CDH4: variants seen among roughly 807,000 people sequenced by gnomAD.
CDH4 encodes cadherin 4, also known as cadherin-4.
A neutral mutation model predicts 86.0 loss-of-function variants in CDH4; 33 were observed. The observed-to-expected ratio is 0.38, with a 90% CI of 0.29 to 0.51. CDH4 has a LOEUF of 0.51. Among genes scored for constraint, CDH4 ranks in the 20% least tolerant of loss-of-function variants. The probability of loss-of-function intolerance (pLI) is 0.86; values close to 1 mark genes in which losing one functional copy is unlikely to be tolerated. For synonymous variants in CDH4, 555 were observed against 549.4 expected, an observed-to-expected ratio of 1.01 and a Z score of -0.14; for missense variants, 1,114 against 1,307.4, an observed-to-expected ratio of 0.85 and a Z score of 2.28.
chr20:61,569,875 A>G (rs931824104), intron 2 of CDH4, among the ~76,000 whole-genome samples: 1 of 152,148 alleles, frequency 6.6e-6, no homozygotes, highest in African/African-American at 2.4e-5. Context: ...GGCGCGGCTG[A>G]TGTTTCTTGA....
chr20:61,933,682 G>T (rs758877049), intron 14 of CDH4, among the ~76,000 whole-genome samples: 1 of 145,066 alleles, frequency 6.9e-6, no homozygotes, highest in African/African-American at 2.7e-5. Flanking sequence ...CACCTTCCCC[G>T]CCCCTCCCGC....
At chr20:61,455,864 T>A (rs1197622827) in intron 2 of CDH4, among the ~76,000 whole-genome samples, 1 of 152,012 alleles carries the variant, frequency 6.6e-6, no homozygotes, top group Admixed American at 6.5e-5. Flanking sequence ...GAGCCAAACA[T>A]GCATGCAGGT....
chr20:61,712,924 T>C (rs1356360777), intron 2 of CDH4, among the ~76,000 whole-genome samples: 1 of 152,066 alleles, frequency 6.6e-6, no homozygotes, highest in Non-Finnish European at 1.5e-5. Context: ...GTTTGTGAAA[T>C]GTTAATGTGC....
intron 5 of CDH4, among the ~76,000 whole-genome samples, chr20:61,847,223 G>A (rs569569256): frequency 1.6e-4 from 24 of 152,342 alleles, no homozygotes; most frequent in African/African-American, 5.3e-4. Context: ...AGCTACCTCT[G>A]CACACAGCAC....
At chr20:61,654,177 C>T (rs2087161631) in intron 2 of CDH4, among the ~76,000 whole-genome samples, 1 of 152,192 alleles carries the variant, frequency 6.6e-6, no homozygotes, top group Admixed American at 6.5e-5. Flanking sequence ...AATCCCAGCA[C>T]CTCGGGAGGC....
At chr20:61,411,120 T>TTCCA (rs11473075) in intron 2 of CDH4, among the ~76,000 whole-genome samples, 28,285 of 146,656 alleles carry the variant, frequency 0.19, 4,503 homozygotes, top group African/African-American at 0.44. Context: ...CCGTCTTTCC[T>TTCCA]TCCATCCATC....
chr20:61,877,649 G>A (rs1389453457), intron 7 of CDH4, among the ~76,000 whole-genome samples: 1 of 152,126 alleles, frequency 6.6e-6, no homozygotes, highest in Non-Finnish European at 1.5e-5. Flanking sequence ...GGGCTCGTCG[G>A]GAACATAGGT....
intron 2 of CDH4, among the ~76,000 whole-genome samples, chr20:61,487,357 T>C (rs2085602412): frequency 6.6e-6 from 1 of 152,048 alleles, no homozygotes; most frequent in African/African-American, 2.4e-5. Context: ...AGGAATGAAA[T>C]TTGGGTCAGG....
chr20:61,512,329 T>A (rs1027251875), intron 2 of CDH4, among the ~76,000 whole-genome samples: 1 of 152,182 alleles, frequency 6.6e-6, no homozygotes, highest in Non-Finnish European at 1.5e-5. Flanking sequence ...AGAGTTCTTA[T>A]AGCCAGGCCC....
At chr20:61,758,419 C>T (rs1600955003) in intron 3 of CDH4, among the ~76,000 whole-genome samples, 2 of 152,298 alleles carry the variant, frequency 1.3e-5, no homozygotes, top group South Asian at 2.1e-4. Flanking sequence ...ATAGGCTGTA[C>T]GTTCTGCATG....
rs576986451 is a variant in CDH4, at chr20:61,826,268, C to T, written c.577-18400C>T. ...CCTATGAACTTTCTCCTTGCTTGCTCCACATCTGCCATCCTGGCCTCCTTA... is the reference window on the plus strand; with the variant it reads ...CCTATGAACTTTCTCCTTGCTTGCTTCACATCTGCCATCCTGGCCTCCTTA... On this transcript the variant is annotated intron_variant, in intron 4 of 15. Coordinates refer to ENST00000614565, the MANE Select transcript of CDH4 (RefSeq NM_001794.5). Among the ~76,000 whole-genome samples the T allele has an allele frequency of 2.0e-5, 3 of 152,348 alleles. No individual in the cohort carries two copies. The South Asian group carries it at 6.2e-4, about 32-fold the overall frequency.
At chr20:61,918,689 TTGCGTGGAAGCGTGGTATTGCAGTGAC>T (rs2054932626) in intron 9 of CDH4, among the ~76,000 whole-genome samples, 1 of 152,058 alleles carries the variant, frequency 6.6e-6, no homozygotes, top group Non-Finnish European at 1.5e-5. Context: ...GTCGCGGTGA[TTGCGTGGAAGCGTGGTATTGCAGTGAC>T]TGCGTGTCAC....
At chr20:61,572,798 T>C (rs1490074384) in intron 2 of CDH4, among the ~76,000 whole-genome samples, 2 of 152,150 alleles carry the variant, frequency 1.3e-5, no homozygotes, top group Non-Finnish European at 2.9e-5. Flanking sequence ...GTCAGTCTTA[T>C]ACAGATGATT....
intron 6 of CDH4, among the ~76,000 whole-genome samples, chr20:61,861,910 G>T (rs776292628): frequency 2.6e-5 from 4 of 152,176 alleles, no homozygotes; most frequent in African/African-American, 7.2e-5. Flanking sequence ...CTCCAGAAGC[G>T]CACTGTCCCG....
chr20:61,914,724 G>A (rs1246370089), intron 9 of CDH4, among the ~76,000 whole-genome samples: 4 of 152,214 alleles, frequency 2.6e-5, no homozygotes, highest in African/African-American at 4.8e-5. Flanking sequence ...ACCCACAGGC[G>A]GGCTGGCACC....
chr20:61,476,035 A>G (rs1464807537), intron 2 of CDH4, among the ~76,000 whole-genome samples: 1 of 152,176 alleles, frequency 6.6e-6, no homozygotes, highest in Non-Finnish European at 1.5e-5. Context: ...CCACTAGACC[A>G]GTCCTATTGG....
chr20:61,917,307 C>T (rs540323023), intron 9 of CDH4, among the ~76,000 whole-genome samples: 1 of 152,358 alleles, frequency 6.6e-6, no homozygotes, highest in South Asian at 2.1e-4. Context: ...CCCAGCACGG[C>T]CTCTTGTCTC....
Position 61,643,925 on chromosome 20 carries a change from G to A in CDH4, c.170-99638G>A, listed in dbSNP as rs549874925. Reference sequence around the variant, plus strand: ...TTCCAACACTAGTTAAAGAAGGCAAGGAAGACTTTCTGGGAGAATTTTGCT... The same window carrying A: ...TTCCAACACTAGTTAAAGAAGGCAAAGAAGACTTTCTGGGAGAATTTTGCT... On this transcript the variant is annotated intron_variant, in intron 2 of 15. Transcript: ENST00000614565. Among the ~76,000 whole-genome samples the A allele has an allele frequency of 2.0e-4, 31 of 152,356 alleles. 1 individual carries two copies. In the South Asian group the frequency reaches 5.2e-3, roughly 25 times the overall value.
At chr20:61,258,377 T>C in intron 2 of CDH4, among the ~76,000 whole-genome samples, 1 of 145,836 alleles carries the variant, frequency 6.9e-6, no homozygotes, top group South Asian at 2.3e-4. Context: ...AGCATGTTTC[T>C]AATGACTTAA....
Sources: gnomAD v4.1 joint callset for allele counts (sites outside exome capture counted in the v4.1 genomes callset) on GRCh38, gnomAD v4.1.1 for gene constraint, MANE v1.5 for transcripts, NCBI Gene and HGNC (gene_info 2026-07-23, HGNC 2026-07-21) for gene names.